The following GARS1 variants were observed in gnomAD, a reference collection of about 807,000 sequenced individuals.
GARS1 encodes the protein glycine--tRNA ligase.
In GARS1, 46 loss-of-function variants were observed where a neutral mutation model predicts 86.4. The observed-to-expected ratio is 0.53, with a 90% confidence interval of 0.42 to 0.68. The LOEUF is 0.68. GARS1 is among the 30% of genes least tolerant of loss of function. The pLI, the probability that GARS1 is intolerant of heterozygous loss-of-function variation, is 0.00. For missense variants in GARS1, 797 were observed against 915.6 expected, an observed-to-expected ratio of 0.87 and a Z score of 1.67; for synonymous variants, 342 against 329.8, an observed-to-expected ratio of 1.04 and a Z score of -0.40.
intron 14 of GARS1, 160 bp from the exon 15 acceptor site, chr7:30,631,288 T>A: frequency 3.5e-6 from 2 of 566,634 alleles, no homozygotes; most frequent in Non-Finnish European, 6.4e-6. Flanking sequence ...GTTCTGCTTC[T>A]CTTTTGCCAT....
intron 10 of GARS1, among the ~76,000 whole-genome samples, chr7:30,619,830 T>C (rs1782967230): frequency 6.8e-6 from 1 of 146,946 alleles, no homozygotes; most frequent in African/African-American, 2.5e-5. Context: ...CAGGCTGGAG[T>C]GCAGTGGTGC....
intron 6 of GARS1, among the ~76,000 whole-genome samples, chr7:30,604,443 TCTCTGCCTGA>T (rs1463208141): frequency 3.3e-5 from 5 of 152,182 alleles, no homozygotes; most frequent in Non-Finnish European, 7.4e-5. Flanking sequence ...TCTCTCTCTC[TCTCTGCCTGA>T]ATATAGAACT....
chr7:30,621,999 T>A, intron 11 of GARS1: 1 of 399,418 alleles, frequency 2.5e-6, no homozygotes, highest in South Asian at 2.3e-5. Flanking sequence ...TGACAGGAAA[T>A]AGATCTTGTT....
rs1783243217 is a variant in GARS1 at position 30,631,983 on chromosome 7, G to C, written c.1904-264G>C. On this transcript the variant is annotated intron_variant, in intron 15 of 16. Coordinates refer to ENST00000389266, the MANE Select transcript of GARS1 (RefSeq NM_002047.4). ...GAGCCATAAAAATAGAGGTGGTGGA[G>C]TCAGGACTCACCTTCTGGCCTTGGC... is the stretch of plus-strand genomic sequence containing the variant. 6.3e-6 allele frequency: 3 copies of C among 474,144 alleles called. No individual in the cohort carries two copies. In the East Asian group the frequency reaches 1.3e-4, roughly 20 times the overall value. The allele number at this position is 474,144 out of a possible 1,614,324, so 29.4% of individuals were successfully genotyped here.
intron 2 of GARS1, 37 bp from the exon 3 acceptor site, chr7:30,599,910 C>A (rs1584022642): frequency 1.6e-6 from 2 of 1,290,094 alleles, no homozygotes; most frequent in Admixed American, 1.7e-5. Context: ...TCCCACCCAC[C>A]CCTCCACTCA....
chr7:30,626,438 C>A, intron 13 of GARS1, 119 bp downstream of exon 13: 1 of 693,394 alleles, frequency 1.4e-6, no homozygotes, highest in Non-Finnish European at 2.6e-6. Context: ...CTCTGCCTCC[C>A]CGGCTCAAGC....
rs765126511 is a variant in GARS1, at chr7:30,633,907, A to C, written c.*47A>C. ...ACCACTTGCGCTAATAAAAAAAAAA[A>C]AAAACTACTCTTATGTCCACTTTAC... On this transcript the variant is annotated 3_prime_UTR_variant, in exon 17 of 17. Transcript: ENST00000389266. 9 of 1,599,624 alleles carry C rather than the reference A, an allele frequency of 5.6e-6. No individual in the cohort carries two copies. The Admixed American group carries it at 6.8e-5, about 12-fold the overall frequency.
chr7:30,596,276 T>G (rs1280556263), intron 1 of GARS1, among the ~76,000 whole-genome samples: 1 of 152,230 alleles, frequency 6.6e-6, no homozygotes, highest in Non-Finnish European at 1.5e-5. Context: ...GCCTGACCGA[T>G]TTTAATAAAT....
chr7:30,632,762 G>A lies in GARS1; in HGVS notation c.2094+325G>A, dbSNP rs1044324556. 1.3e-5 allele frequency among the ~76,000 whole-genome samples: 2 copies of A among 152,196 alleles called. No individual in the cohort carries two copies. The highest frequency in any genetic ancestry group is 4.8e-5 in the African/African-American group (2 of 41,452). On this transcript the variant is annotated intron_variant, in intron 16 of 16. Transcript: ENST00000389266. The surrounding 1 kb of genome is among the most constrained non-coding windows in gnomAD (Gnocchi z 4.1). ...TGCCATAGTTTTATTGGTAGGCTTTGGAGGGTTAGACATTTTAATGTTTTA... is the reference window on the plus strand; with the variant it reads ...TGCCATAGTTTTATTGGTAGGCTTTAGAGGGTTAGACATTTTAATGTTTTA...
At chr7:30,601,026 G>A (rs995659808) in intron 3 of GARS1, 33 bp from the exon 4 acceptor site, 2 of 1,609,058 alleles carry the variant, frequency 1.2e-6, no homozygotes, top group Middle Eastern at 1.6e-4. Context: ...GAGTAACAAG[G>A]TAAAGTATGT....
intron 9 of GARS1, 28 bp downstream of exon 9, chr7:30,616,086 G>C: frequency 6.2e-7 from 1 of 1,613,608 alleles, no homozygotes; most frequent in Non-Finnish European, 8.5e-7. Context: ...ACTTAACTTA[G>C]ATTGTGCCTG....
In GARS1 at chr7:30,632,569, T is replaced by G; in HGVS notation, c.2094+132T>G. On this transcript the variant is annotated intron_variant, in intron 16 of 16. Coordinates refer to ENST00000389266, the MANE Select transcript of GARS1 (RefSeq NM_002047.4). The surrounding 1 kb of genome is among the most constrained non-coding windows in gnomAD (Gnocchi z 4.1). ...TTTTAATTTTAATGAACGGCTTGTA[T>G]CAGACAGAGCCCAGATTCTCAAGTC... 1.1e-6 allele frequency: 1 copy of G among 909,366 alleles called. No individual in the cohort carries two copies. The highest frequency in any genetic ancestry group is 1.4e-5 in the South Asian group (1 of 69,048). 56.3% of individuals were successfully genotyped at this position (909,366 alleles called of 1,614,324 possible). A position where few individuals can be genotyped will look rare whatever the true frequency, so the allele number is the denominator to read the frequency against.
chr7:30,595,576 C>G (rs1396439072), intron 1 of GARS1, among the ~76,000 whole-genome samples: 1 of 152,192 alleles, frequency 6.6e-6, no homozygotes, highest in African/African-American at 2.4e-5. Flanking sequence ...CCTCCTAATT[C>G]TTTCAGTGGT....
At chr7:30,619,433 A>G (rs567528066) in intron 10 of GARS1, among the ~76,000 whole-genome samples, 2 of 152,292 alleles carry the variant, frequency 1.3e-5, no homozygotes, top group African/African-American at 4.8e-5. Context: ...TGCCACACCA[A>G]TTCTCTTTCC....
chr7:30,605,825 A>T, intron 6 of GARS1, among the ~76,000 whole-genome samples: 1 of 152,336 alleles, frequency 6.6e-6, no homozygotes, highest in Admixed American at 6.5e-5. Context: ...AATGTTAATA[A>T]TTTAATATCA....
At chr7:30,614,672 T>G (rs1049317165) in intron 8 of GARS1, among the ~76,000 whole-genome samples, 21 of 151,916 alleles carry the variant, frequency 1.4e-4, no homozygotes, top group Admixed American at 3.3e-4. Context: ...TTCAGGAGAT[T>G]GAGGCCATCC....
chr7:30,601,347 A>G (rs1791373648), intron 4 of GARS1, 147 bp downstream of exon 4: 2 of 703,648 alleles, frequency 2.8e-6, no homozygotes, highest in Non-Finnish European at 4.6e-6. Context: ...AAGCAAAGAA[A>G]TGTATACCTT....
At position 30,601,166 on chromosome 7, in the gene GARS1, G is replaced by C. The variant is rs372221055; in HGVS notation, c.535G>C (p.Asp179His). 6.2e-7 allele frequency: 1 copy of C among 1,614,118 alleles called. No homozygotes were observed. The highest frequency in any genetic ancestry group is 8.5e-7 in the Non-Finnish European group (1 of 1,179,992). ...CCAAGAGGAACAGATCCTGGAGATC[G>C]ATTGCACCATGCTCACCCCTGAGCC... ...FIQEEQILEI[D>H]CTMLTPEPVL... Residue 179 changes from aspartate to histidine, a missense_variant, in exon 4 of 17, where the codon GAT (aspartate) becomes CAT (histidine). Around this residue, in one of 2 missense-constraint regions of GARS1, gnomAD observed 598 missense variants for 738.7 expected, o/e 0.81. Coordinates refer to ENST00000389266, the MANE Select transcript of GARS1 (RefSeq NM_002047.4).
intron 3 of GARS1, 25 bp from the exon 4 acceptor site, chr7:30,601,034 T>C (rs773303002): frequency 6.2e-7 from 1 of 1,612,026 alleles, no homozygotes; most frequent in South Asian, 1.1e-5. Flanking sequence ...AGGTAAAGTA[T>C]GTGTTTTCCT....
Sources: allele counts gnomAD v4.1 joint callset (sites outside exome capture counted in the v4.1 genomes callset), GRCh38; gene constraint gnomAD v4.1.1; regional missense constraint gnomAD v4.1.1; non-coding constraint Gnocchi (gnomAD v3.1); transcripts MANE v1.5; gene names NCBI Gene and HGNC (gene_info 2026-07-23, HGNC 2026-07-21).